The following NT5DC3 variants were observed in gnomAD, a reference collection of about 807,000 sequenced individuals.
The protein encoded by NT5DC3 is 5'-nucleotidase domain containing 3.
NT5DC3 carries 42 observed loss-of-function variants against 67.8 expected under a neutral mutation model. The observed-to-expected ratio is 0.62, with a 90% CI of 0.48 to 0.80. The LOEUF (loss-of-function observed/expected upper bound fraction) is 0.80, where lower values mean the gene tolerates loss of function less well. Among genes scored for constraint, NT5DC3 ranks in the 30% least tolerant of loss-of-function variants. The pLI is 0.00. For synonymous variants in NT5DC3, 237 were observed against 255.6 expected, an observed-to-expected ratio of 0.93 and a Z score of 0.69; for missense variants, 570 against 696.4, an observed-to-expected ratio of 0.82 and a Z score of 2.04.
chr12:103,835,542 G>A (rs773760072), intron 1 of NT5DC3, among the ~76,000 whole-genome samples: 5 of 152,104 alleles, frequency 3.3e-5, no homozygotes, highest in East Asian at 1.9e-4. Context: ...TTATGGCACC[G>A]CCCTAATCAC....
the NT5DC3 span, chr12:103,761,327 G>T: frequency 6.2e-7 from 1 of 1,614,084 alleles, no homozygotes; most frequent in Non-Finnish European, 8.5e-7. Flanking sequence ...TGATGGAAGA[G>T]CCATTCTGCA....
At chr12:103,834,150 G>A (rs1009126354) in intron 1 of NT5DC3, among the ~76,000 whole-genome samples, 2 of 151,912 alleles carry the variant, frequency 1.3e-5, no homozygotes, top group Non-Finnish European at 2.9e-5. Flanking sequence ...CATCCCTTGG[G>A]GAACAAAACT....
intron 1 of NT5DC3, among the ~76,000 whole-genome samples, chr12:103,820,473 T>C (rs1887447049): frequency 6.6e-6 from 1 of 152,208 alleles, no homozygotes; most frequent in Non-Finnish European, 1.5e-5. Flanking sequence ...TCAGACACTT[T>C]CCACTTATTC....
chr12:103,757,357 G>A, the NT5DC3 span, among the ~76,000 whole-genome samples: 1 of 152,126 alleles, frequency 6.6e-6, no homozygotes, highest in Non-Finnish European at 1.5e-5. Flanking sequence ...CAAAGTGCTG[G>A]GATTATAGGT....
chr12:103,782,525 A>C (rs1326918708), intron 12 of NT5DC3, among the ~76,000 whole-genome samples: 1 of 152,196 alleles, frequency 6.6e-6, no homozygotes, highest in East Asian at 1.9e-4. Flanking sequence ...GGGTAGCTGC[A>C]ACAGAGCCTA....
the NT5DC3 span, among the ~76,000 whole-genome samples, chr12:103,747,854 G>C: frequency 3.3e-5 from 5 of 152,040 alleles, no homozygotes; most frequent in African/African-American, 1.2e-4. Flanking sequence ...AATTAGCCGG[G>C]CATGGTGACA....
chr12:103,784,953 G>C (rs10778286), intron 12 of NT5DC3, among the ~76,000 whole-genome samples: 111,811 of 152,046 alleles, frequency 0.74, 41,411 homozygotes, highest in East Asian at 0.9. Context: ...TTTCGTTCCA[G>C]CGGCCCCTTT....
At chr12:103,752,900 T>C in the NT5DC3 span, among the ~76,000 whole-genome samples, 2 of 152,176 alleles carry the variant, frequency 1.3e-5, no homozygotes, top group Non-Finnish European at 2.9e-5. Context: ...AAAAATAAAG[T>C]AAAATTCTAG....
the NT5DC3 span, among the ~76,000 whole-genome samples, chr12:103,749,608 T>TC: frequency 6.7e-6 from 1 of 149,982 alleles, no homozygotes; most frequent in Admixed American, 6.7e-5. Flanking sequence ...GGCAGATGGA[T>TC]CACGAGGTCA....
At chr12:103,761,379 C>T in the NT5DC3 span, 2 of 1,613,858 alleles carry the variant, frequency 1.2e-6, no homozygotes, top group African/African-American at 1.3e-5. Context: ...CATGTCATTT[C>T]CAGGCCTTTA....
intron 13 of NT5DC3, 64 bp from the exon 14 acceptor site, chr12:103,778,145 C>T: frequency 6.8e-7 from 1 of 1,464,018 alleles, no homozygotes. Context: ...TTTTAAACTA[C>T]TGAAATCAAA....
chr12:103,792,291 T>A (rs555027663), intron 9 of NT5DC3, among the ~76,000 whole-genome samples: 1 of 152,176 alleles, frequency 6.6e-6, no homozygotes, highest in Non-Finnish European at 1.5e-5. Context: ...TGCCTCTTCT[T>A]CCTGGAGTCA....
chr12:103,761,219 G>A, the NT5DC3 span: 3 of 1,340,940 alleles, frequency 2.2e-6, no homozygotes, highest in South Asian at 3.6e-5. Context: ...CAGGGGCCTT[G>A]GGAAAATTGA....
At chr12:103,762,260 T>G in the NT5DC3 span, 2 of 1,612,916 alleles carry the variant, frequency 1.2e-6, no homozygotes, top group Non-Finnish European at 1.7e-6. Flanking sequence ...CCCCTTTCCT[T>G]TCTTTGTGTT....
chr12:103,754,468 T>G, the NT5DC3 span, among the ~76,000 whole-genome samples: 1 of 152,044 alleles, frequency 6.6e-6, no homozygotes. Context: ...CCTCATAGGG[T>G]TGATTGAGAG....
At chr12:103,763,349 T>C in the NT5DC3 span, 4 of 668,156 alleles carry the variant, frequency 6.0e-6, no homozygotes, top group Admixed American at 2.4e-5. Flanking sequence ...AATTTTATTA[T>C]ATGTGAATCA....
chr12:103,781,694 C>G (rs765943666), intron 12 of NT5DC3, among the ~76,000 whole-genome samples: 9 of 152,344 alleles, frequency 5.9e-5, no homozygotes, highest in Non-Finnish European at 1.3e-4. Context: ...AAAACAAGAG[C>G]CTCTGGTTCT....
At chr12:103,780,205 C>CCT in intron 13 of NT5DC3, 95 bp downstream of exon 13, 1 of 1,030,504 alleles carries the variant, frequency 9.7e-7, no homozygotes, top group South Asian at 1.3e-5. Flanking sequence ...GATGTTTCAA[C>CCT]ATTATGCCTC....
At chr12:103,769,311 C>T (rs1885130819), downstream of NT5DC3, among the ~76,000 whole-genome samples, 1 of 152,206 alleles carries the variant, frequency 6.6e-6, no homozygotes, top group Non-Finnish European at 1.5e-5. Context: ...TAGCCTGTCA[C>T]ATGAGGTAAT....
Sources: gnomAD v4.1 joint callset for allele counts (sites outside exome capture counted in the v4.1 genomes callset) on GRCh38, gnomAD v4.1.1 for gene constraint, MANE v1.5 for transcripts, NCBI Gene and HGNC (gene_info 2026-07-23, HGNC 2026-07-21) for gene names.